The following CTR9 variants were observed in gnomAD, a reference collection of about 807,000 sequenced individuals.
CTR9 encodes the protein CTR9 component of Paf1/RNA polymerase II complex.
Under a neutral mutation model 152.1 loss-of-function variants are expected in CTR9, and 41 were observed. The ratio of observed to expected loss-of-function variants is 0.27; its 90% CI spans 0.21 to 0.35. CTR9 has a LOEUF of 0.35. CTR9 is among the 10% of genes least tolerant of loss of function. The pLI is 1.00. For synonymous variants in CTR9, 476 were observed against 496.2 expected (o/e 0.96, Z 0.54); for missense variants, 917 against 1,424.4 (o/e 0.64, Z 5.73).
intron 3 of CTR9, 56 bp downstream of exon 3, chr11:10,755,253 C>T: frequency 3.2e-6 from 5 of 1,552,352 alleles, no homozygotes; most frequent in Non-Finnish European, 4.3e-6. Context: ...CACATGAAAG[C>T]AAAATGTGTG....
intron 5 of CTR9, among the ~76,000 whole-genome samples, chr11:10,758,920 CT>C (rs1862930195): frequency 6.6e-6 from 1 of 152,216 alleles, no homozygotes; most frequent in African/African-American, 2.4e-5. Context: ...AACTTTTTCA[CT>C]TTGGAAAATG....
intron 2 of CTR9, among the ~76,000 whole-genome samples, chr11:10,754,362 A>T (rs1345248221): frequency 6.6e-6 from 1 of 152,230 alleles, no homozygotes; most frequent in Admixed American, 6.5e-5. Context: ...AATCAACTAG[A>T]TAAGCAGCAG....
At position 10,767,657 on chromosome 11, in the gene CTR9, GC is replaced by G; in HGVS notation, c.1687-148del. ...TAGTTCGATAAATTTGGATTGCCAT[GC>G]AAAAAAAAAAAGAAAGAAAGAAAAG... On this transcript the variant is annotated intron_variant, in intron 13 of 24. Transcript: ENST00000361367. This position sits in a 1 kb window ranked among gnomAD's most constrained non-coding sequence, Gnocchi z 4.0. 1 of 719,796 alleles carries G rather than the reference GC, an allele frequency of 1.4e-6. No individual in the cohort carries two copies. The highest frequency in any genetic ancestry group is 2.3e-6 in the Non-Finnish European group (1 of 438,594). 44.6% of individuals were successfully genotyped at this position (719,796 alleles called of 1,614,324 possible). A position where few individuals can be genotyped will look rare whatever the true frequency, so the allele number is the denominator to read the frequency against.
Position 10,751,277 on chromosome 11 carries a change from C to A in CTR9, c.-136C>A. ...TAAGCGGCTGACGGGAAGGAGAAGC[C>A]AGAGCTCCAGCGGCGCCGCGGGGCG... On this transcript the variant is annotated 5_prime_UTR_variant, in exon 1 of 25. Transcript: ENST00000361367. 2.2e-6 allele frequency: 2 copies of A among 900,876 alleles called. No homozygotes were observed. The highest frequency in any genetic ancestry group is 3.5e-6 in the Non-Finnish European group (2 of 573,190). 55.8% of individuals were successfully genotyped at this position (900,876 alleles called of 1,614,324 possible).
chr11:10,770,778 T>C (rs1372520978), intron 18 of CTR9, 146 bp downstream of exon 18: 1 of 742,544 alleles, frequency 1.3e-6, no homozygotes, highest in Non-Finnish European at 2.0e-6. Context: ...AAAGGTGGTC[T>C]ATTAGAATCA....
intron 16 of CTR9, among the ~76,000 whole-genome samples, chr11:10,769,336 C>T (rs770933178): frequency 1.3e-5 from 2 of 152,148 alleles, no homozygotes; most frequent in African/African-American, 2.4e-5. Flanking sequence ...TACTCAGCAT[C>T]CATAAAATTA....
chr11:10,764,517 C>A, intron 11 of CTR9, 31 bp from the exon 12 acceptor site: 1 of 1,604,300 alleles, frequency 6.2e-7, no homozygotes, highest in Middle Eastern at 1.7e-4. Flanking sequence ...TAAACTAAAT[C>A]TTTTAACAGT....
At chr11:10,768,788 G>A (rs918832564) in intron 16 of CTR9, among the ~76,000 whole-genome samples, 1 of 152,208 alleles carries the variant, frequency 6.6e-6, no homozygotes, top group African/African-American at 2.4e-5. Flanking sequence ...TGAGGATCCC[G>A]TATGAAAACT....
At position 10,775,547 on chromosome 11, in the gene CTR9, A is replaced by C. The variant is rs781400390; in HGVS notation, c.3009A>C (p.Ser1003=). 6.2e-7 allele frequency: 1 copy of C among 1,613,652 alleles called. No individual in the cohort carries two copies. The highest frequency in any genetic ancestry group is 1.1e-5 in the South Asian group (1 of 91,066). ...KAPKPERLPP[S]MKGKIKSKAI... ...CCAAGCCAGAACGTCTGCCTCCATC[A>C]ATGAAGGGAAAAATAAAATCCAAAG... The change falls in exon 24 of 25, where the codon TCA becomes TCC. Residue 1003 remains serine, a synonymous_variant. Transcript: ENST00000361367.
intron 6 of CTR9, among the ~76,000 whole-genome samples, chr11:10,760,945 G>C (rs1862966670): frequency 6.6e-6 from 1 of 152,186 alleles, no homozygotes. Flanking sequence ...GGAGGAAAGA[G>C]AAAGGATAAA....
chr11:10,755,280 G>A lies in CTR9; in HGVS notation c.384+83G>A, dbSNP rs980413293. On this transcript the variant is annotated intron_variant, in intron 3 of 24. Transcript: ENST00000361367. ...AAATGTGTGTGATAGCAGATTTTTTGAAAGAGTTTTTCTTCAAGTAACATG... is the reference window on the plus strand; with the variant it reads ...AAATGTGTGTGATAGCAGATTTTTTAAAAGAGTTTTTCTTCAAGTAACATG... 3 of 1,464,266 alleles carry A rather than the reference G, an allele frequency of 2.0e-6. No homozygotes were observed. In the African/African-American group the frequency reaches 4.3e-5, roughly 21 times the overall value. 90.7% of individuals were successfully genotyped at this position (1,464,266 alleles called of 1,614,324 possible).
At chr11:10,772,697 G>A (rs118084295) in intron 20 of CTR9, 42 bp downstream of exon 20, 16,222 of 1,536,966 alleles carry the variant, frequency 0.011, 117 homozygotes, top group Non-Finnish European at 0.013. Flanking sequence ...AATGAATTGT[G>A]TGCATGCATA....
intron 13 of CTR9, among the ~76,000 whole-genome samples, chr11:10,766,700 A>G (rs767589228): frequency 1.3e-5 from 2 of 152,006 alleles, no homozygotes; most frequent in African/African-American, 2.4e-5. Context: ...AATCTTTCCT[A>G]TTGTCTTCCT....
At chr11:10,755,307 T>G in intron 3 of CTR9, 110 bp downstream of exon 3, 1 of 1,263,236 alleles carries the variant, frequency 7.9e-7, no homozygotes, top group Non-Finnish European at 1.1e-6. Context: ...AGTAACATGG[T>G]TGATAGAGTC....
At chr11:10,771,638 G>A in intron 19 of CTR9, 22 bp downstream of exon 19, 2 of 1,547,706 alleles carry the variant, frequency 1.3e-6, no homozygotes, top group Non-Finnish European at 1.8e-6. Context: ...ATTTATGGAA[G>A]GTGACTTTGG....
rs1302710273 is a variant in CTR9 at position 10,771,769 on chromosome 11, T to C, written c.2444+153T>C. On this transcript the variant is annotated intron_variant, in intron 19 of 24. Coordinates refer to ENST00000361367, the MANE Select transcript of CTR9 (RefSeq NM_014633.5). ...GGACTCTCTAATCTTTGCCAGGACT[T>C]TTTCCTTTCAGGGAATTGGACAAAA... is the stretch of plus-strand genomic sequence containing the variant. 2.6e-5 allele frequency among the ~76,000 whole-genome samples: 4 copies of C among 152,148 alleles called. No homozygotes were observed. The East Asian group carries it at 7.7e-4, about 29-fold the overall frequency.
intron 2 of CTR9, among the ~76,000 whole-genome samples, chr11:10,753,969 T>A (rs1862845206): frequency 6.6e-6 from 1 of 152,188 alleles, no homozygotes; most frequent in South Asian, 2.1e-4. Context: ...ATAGAGTGGT[T>A]GTACAGATTA....
In CTR9 at chr11:10,751,419, C is replaced by T; in HGVS notation, c.7C>T (p.Arg3Trp). The change falls in exon 1 of 25, where the codon CGG becomes TGG. Residue 3 changes from arginine (R) to tryptophan (W), a missense_variant. Arg to Trp is a moderately radical substitution (Grantham distance 101). This residue lies in a region of CTR9 where 14 missense variants were observed against 48.7 expected (regional missense o/e 0.29). Transcript: ENST00000361367. MSRGSIEIPLRDT... is the reference protein window; with the variant it reads MSWGSIEIPLRDT... ...CTCGCCTTTTGACCCCATCATGTCGCGGGGCTCCATCGAGATTCCCCTCCG... is the reference window on the plus strand; with the variant it reads ...CTCGCCTTTTGACCCCATCATGTCGTGGGGCTCCATCGAGATTCCCCTCCG... 4 of 1,613,470 alleles carry T rather than the reference C, an allele frequency of 2.5e-6. No individual in the cohort carries two copies. The highest frequency in any genetic ancestry group is 1.7e-5 in the Admixed American group (1 of 60,028).
At chr11:10,763,905 C>T (rs1863017287) in intron 9 of CTR9, 26 bp downstream of exon 9, 4 of 1,534,928 alleles carry the variant, frequency 2.6e-6, no homozygotes, top group Non-Finnish European at 2.7e-6. Context: ...AAAGTCTTAG[C>T]TGTTTTCTGT....
Sources: gnomAD v4.1 joint callset for allele counts (sites outside exome capture counted in the v4.1 genomes callset) on GRCh38, gnomAD v4.1.1 for gene constraint, gnomAD v4.1.1 regional missense constraint, Gnocchi (gnomAD v3.1) non-coding constraint, MANE v1.5 for transcripts, NCBI Gene and HGNC (gene_info 2026-07-23, HGNC 2026-07-21) for gene names.